JAK2: variants seen among roughly 807,000 people sequenced by gnomAD.
The protein encoded by JAK2 is tyrosine-protein kinase JAK2.
Under a neutral mutation model 139.3 loss-of-function variants are expected in JAK2, and 86 were observed. That is an observed-to-expected ratio of 0.62 (90% CI 0.52 to 0.74). The LOEUF is 0.74. Among genes scored for constraint, JAK2 ranks in the 30% least tolerant of loss-of-function variants. The pLI is 0.00. For synonymous variants in JAK2, 490 were observed against 437.7 expected (o/e 1.12, Z -1.49); for missense variants, 1,421 against 1,360.3 (o/e 1.04, Z -0.70).
chr9:5,089,856 C>T lies in JAK2; in HGVS notation c.2754C>T (p.Tyr918=). The change falls in exon 20 of 25, where the codon TAC becomes TAT. Residue 918 remains tyrosine, a synonymous_variant. Transcript: ENST00000381652. ...TTGTAAAGTACAAGGGAGTGTGCTA[C>T]AGTGCTGGTAAGCTGCCCATTGAAA... ...DNIVKYKGVC[Y]SAGRRNLKLI... 6.6e-7 allele frequency: 1 copy of T among 1,515,920 alleles called. No homozygotes were observed. Among genetic ancestry groups the T allele is most frequent in the African/African-American group, 1.4e-5 (1 of 69,902 alleles). 93.9% of individuals were successfully genotyped at this position (1,515,920 alleles called of 1,614,324 possible).
At chr9:5,096,871 T>C (rs1428361063) in intron 22 of JAK2, 2 of 152,158 alleles carry the variant, frequency 1.3e-5, no homozygotes, top group African/African-American at 2.4e-5. Context: ...ATCTTCTTTA[T>C]GGTCATATCA....
chr9:5,062,970 G>T (rs1331015565), intron 8 of JAK2, among the ~76,000 whole-genome samples: 3 of 151,796 alleles, frequency 2.0e-5, no homozygotes, highest in African/African-American at 7.3e-5. Context: ...ATATTCCTTT[G>T]TTATACATGT....
chr9:5,065,110 G>C (rs1818476912), intron 9 of JAK2, 70 bp downstream of exon 9: 3 of 1,006,976 alleles, frequency 3.0e-6, no homozygotes, highest in East Asian at 2.8e-5. Context: ...AGATTTAACA[G>C]AGTGATACAT....
At chr9:4,991,974 A>C (rs1342755469) in intron 2 of JAK2, among the ~76,000 whole-genome samples, 1 of 152,110 alleles carries the variant, frequency 6.6e-6, no homozygotes, top group Admixed American at 6.6e-5. Context: ...ACTACCCAAA[A>C]CTTAGTGATT....
chr9:5,026,379 C>T (rs1417205631), intron 3 of JAK2, among the ~76,000 whole-genome samples: 3 of 152,082 alleles, frequency 2.0e-5, no homozygotes, highest in African/African-American at 7.2e-5. Flanking sequence ...AAAGTTGCTG[C>T]TAAATAATGT....
chr9:5,066,537 G>A, intron 9 of JAK2, 141 bp from the exon 10 acceptor site: 1 of 541,580 alleles, frequency 1.8e-6, no homozygotes, highest in Non-Finnish European at 3.3e-6. Context: ...TTTTTCCTTT[G>A]AAAGATTATT....
intron 3 of JAK2, among the ~76,000 whole-genome samples, chr9:5,028,127 A>G (rs950842841): frequency 1.3e-5 from 2 of 152,180 alleles, no homozygotes; most frequent in Non-Finnish European, 2.9e-5. Context: ...TAACCTTACT[A>G]AATGTGTTTC....
intron 6 of JAK2, among the ~76,000 whole-genome samples, chr9:5,053,085 C>T (rs941824201): frequency 1.3e-5 from 2 of 152,194 alleles, no homozygotes; most frequent in Non-Finnish European, 2.9e-5. Flanking sequence ...TCAAAAGCAG[C>T]TGTGCCACAT....
intron 4 of JAK2, chr9:5,041,623 G>C (rs1428804793): frequency 4.0e-6 from 2 of 498,154 alleles, no homozygotes; most frequent in East Asian, 1.1e-4. Flanking sequence ...TACATGCGGC[G>C]CCTGGACTTT....
chr9:5,055,428 G>C (rs985517590), intron 7 of JAK2, among the ~76,000 whole-genome samples: 3 of 151,944 alleles, frequency 2.0e-5, no homozygotes, highest in African/African-American at 7.2e-5. Context: ...TTGAATTGAA[G>C]AGTGCCATAG....
chr9:5,081,295 TTC>T (rs1204975546), intron 18 of JAK2, among the ~76,000 whole-genome samples: 2 of 151,928 alleles, frequency 1.3e-5, no homozygotes, highest in Admixed American at 6.6e-5. Flanking sequence ...TAAAAAACAA[TTC>T]TCTTTAACAT....
chr9:5,056,304 TTA>T (rs1365578187), intron 8 of JAK2, among the ~76,000 whole-genome samples: 1 of 152,078 alleles, frequency 6.6e-6, no homozygotes, highest in African/African-American at 2.4e-5. Flanking sequence ...GAAATCTAAT[TTA>T]TTTTAATGTA....
chr9:5,108,003 G>A (rs1019255867), intron 22 of JAK2: 3 of 152,010 alleles, frequency 2.0e-5, no homozygotes, highest in Non-Finnish European at 4.4e-5. Context: ...GAATTAACAT[G>A]ACCATCCACA....
intron 3 of JAK2, among the ~76,000 whole-genome samples, chr9:5,022,419 T>C (rs1822489316): frequency 1.3e-5 from 2 of 152,178 alleles, no homozygotes; most frequent in South Asian, 4.1e-4. Flanking sequence ...TCAAAACAAA[T>C]TGATGCCCAT....
chr9:5,069,247 T>G (rs1818784276), intron 11 of JAK2, 39 bp downstream of exon 11: 2 of 1,416,866 alleles, frequency 1.4e-6, no homozygotes, highest in Non-Finnish European at 9.8e-7. Flanking sequence ...TTACTGGTCA[T>G]GGATTGTTTA....
intron 4 of JAK2, among the ~76,000 whole-genome samples, chr9:5,035,114 A>C (rs553694424): frequency 1.3e-5 from 2 of 152,372 alleles, no homozygotes; most frequent in African/African-American, 4.8e-5. Context: ...CCTCTACATG[A>C]ATAAACTAGA....
rs575683625 is a variant in JAK2, at chr9:5,069,839, A to G, written c.1514-86A>G. 1.5e-3 allele frequency: 1,240 copies of G among 809,026 alleles called. 7 individuals carry two copies. The highest frequency in any genetic ancestry group is 1.2e-3 in the Non-Finnish European group (678 of 545,062). 50.1% of individuals were successfully genotyped at this position (809,026 alleles called of 1,614,324 possible). On this transcript the variant is annotated intron_variant, in intron 11 of 24. Transcript: ENST00000381652. ...GAGTTATTAAGCATTTCTTATACGT[A>G]GAACACATTTCATTTTACTCCTCTT... is the stretch of plus-strand genomic sequence containing the variant.
chr9:5,011,270 C>T (rs888349287), intron 2 of JAK2, among the ~76,000 whole-genome samples: 5 of 152,170 alleles, frequency 3.3e-5, no homozygotes, highest in Non-Finnish European at 7.3e-5. Context: ...TCTGCAGCCT[C>T]AAACTCCTGA....
chr9:5,009,254 C>T (rs997052622), intron 2 of JAK2, among the ~76,000 whole-genome samples: 3 of 152,054 alleles, frequency 2.0e-5, no homozygotes, highest in African/African-American at 7.2e-5. Context: ...TTATTTATTT[C>T]TATAGGAAAT....
Sources: allele counts gnomAD v4.1 joint callset (sites outside exome capture counted in the v4.1 genomes callset), GRCh38; gene constraint gnomAD v4.1.1; transcripts MANE v1.5; gene names NCBI Gene and HGNC (gene_info 2026-07-23, HGNC 2026-07-21).